The following DAW1 variants were observed in gnomAD, a reference collection of about 807,000 sequenced individuals.
DAW1 encodes dynein assembly factor with WD repeats 1.
DAW1 carries 47 observed loss-of-function variants against 56.5 expected under a neutral mutation model. The ratio of observed to expected loss-of-function variants is 0.83; its 90% CI spans 0.66 to 1.06. The LOEUF (loss-of-function observed/expected upper bound fraction) is 1.06. Ranked by LOEUF, DAW1 falls within the 50% of genes least tolerant of loss-of-function variation. DAW1 has a pLI of 0.00. For synonymous variants in DAW1, 190 were observed against 179.0 expected, an observed-to-expected ratio of 1.06 and a Z score of -0.49; for missense variants, 505 against 499.3, an observed-to-expected ratio of 1.01 and a Z score of -0.11.
chr2:227,914,956 A>T (rs1385457119), intron 10 of DAW1, among the ~76,000 whole-genome samples: 3 of 152,052 alleles, frequency 2.0e-5, no homozygotes, highest in African/African-American at 7.2e-5. Flanking sequence ...CTTTTAACAT[A>T]CTACATATAT....
At chr2:227,904,784 C>G in intron 7 of DAW1, 145 bp from the exon 8 acceptor site, 4 of 621,550 alleles carry the variant, frequency 6.4e-6, no homozygotes, top group Non-Finnish European at 1.1e-5. Flanking sequence ...CGTGCAGACA[C>G]TCCCCATCCT....
intron 7 of DAW1, among the ~76,000 whole-genome samples, 155 bp from the exon 8 acceptor site, chr2:227,904,774 C>A (rs1197766551): frequency 6.6e-6 from 1 of 152,166 alleles, no homozygotes; most frequent in Non-Finnish European, 1.5e-5. Context: ...CCTGTGCCCA[C>A]GTGCAGACAC....
intron 10 of DAW1, among the ~76,000 whole-genome samples, chr2:227,909,060 T>C (rs903765620): frequency 1.3e-5 from 2 of 152,146 alleles, no homozygotes; most frequent in African/African-American, 4.8e-5. Context: ...TAATGTATGA[T>C]ACTATACTGT....
At chr2:227,902,160 G>A (rs971159073) in intron 6 of DAW1, among the ~76,000 whole-genome samples, 1 of 152,158 alleles carries the variant, frequency 6.6e-6, no homozygotes, top group Non-Finnish European at 1.5e-5. Context: ...ACTGAGGACA[G>A]AGGCATGAAA....
chr2:227,907,347 AC>A, intron 10 of DAW1, 95 bp downstream of exon 10: 1 of 956,420 alleles, frequency 1.0e-6, no homozygotes, highest in Non-Finnish European at 1.6e-6. Context: ...TTCTTTGATG[AC>A]CAGCTATGAT....
chr2:227,920,249 C>T (rs1401471911), intron 11 of DAW1, among the ~76,000 whole-genome samples: 2 of 152,246 alleles, frequency 1.3e-5, no homozygotes, highest in South Asian at 2.1e-4. Context: ...CTGGTAAGGG[C>T]ATTTCTATGG....
intron 10 of DAW1, among the ~76,000 whole-genome samples, chr2:227,913,988 ATCTCTCTCTCTCTC>A (rs71723734): frequency 6.8e-6 from 1 of 147,622 alleles, no homozygotes; most frequent in Non-Finnish European, 1.5e-5. Flanking sequence ...ATATATCTGT[ATCTCTCTCTCTCTC>A]TCTCTCTCTT....
intron 11 of DAW1, among the ~76,000 whole-genome samples, 193 bp downstream of exon 11, chr2:227,919,049 A>G (rs1385407380): frequency 1.3e-5 from 2 of 151,996 alleles, no homozygotes; most frequent in African/African-American, 4.8e-5. Flanking sequence ...AAAAAAAGTC[A>G]GCTGTGCATG....
chr2:227,914,731 C>T (rs1322925864), intron 10 of DAW1, among the ~76,000 whole-genome samples: 2 of 152,078 alleles, frequency 1.3e-5, no homozygotes, highest in Admixed American at 6.6e-5. Context: ...TTATCAGGGT[C>T]ATCACCTTGA....
intron 10 of DAW1, among the ~76,000 whole-genome samples, chr2:227,913,322 C>T (rs1251553975): frequency 6.6e-6 from 1 of 152,106 alleles, no homozygotes; most frequent in East Asian, 1.9e-4. Flanking sequence ...AGATGATATA[C>T]TAAGTTACCG....
chr2:227,903,790 G>T (rs1244646724), intron 7 of DAW1, among the ~76,000 whole-genome samples: 1 of 151,562 alleles, frequency 6.6e-6, no homozygotes, highest in African/African-American at 2.4e-5. Context: ...CAGTTTCCTT[G>T]TCCTTTCAAA....
intron 6 of DAW1, among the ~76,000 whole-genome samples, chr2:227,900,663 C>T (rs145938217): frequency 6.6e-5 from 10 of 152,228 alleles, no homozygotes; most frequent in Non-Finnish European, 1.3e-4. Flanking sequence ...AGGCATGCAA[C>T]AGTGATGTGT....
chr2:227,924,183 C>T lies in DAW1; in HGVS notation c.*215C>T. ...ATTTGATGGCGATGGCAGGACACAG[C>T]ATAATGTTTGGCTAATGCCACCAGT... On this transcript the variant is annotated 3_prime_UTR_variant, in exon 13 of 13. Coordinates refer to ENST00000309931, the MANE Select transcript of DAW1 (RefSeq NM_178821.3). 1.7e-6 allele frequency: 1 copy of T among 576,506 alleles called. No individual in the cohort carries two copies. 35.7% of individuals were successfully genotyped at this position (576,506 alleles called of 1,614,324 possible).
chr2:227,905,612 C>G (rs1691659002), intron 8 of DAW1, among the ~76,000 whole-genome samples: 1 of 152,166 alleles, frequency 6.6e-6, no homozygotes, highest in Non-Finnish European at 1.5e-5. Context: ...TTCTGAACAA[C>G]CAGGGGTGCA....
intron 3 of DAW1, 81 bp from the exon 4 acceptor site, chr2:227,891,174 A>G: frequency 7.9e-7 from 1 of 1,272,602 alleles, no homozygotes; most frequent in Non-Finnish European, 1.1e-6. Context: ...GAAAAAATTG[A>G]ATGTCTTCAT....
At chr2:227,921,988 CAA>C in intron 12 of DAW1, among the ~76,000 whole-genome samples, 1 of 151,854 alleles carries the variant, frequency 6.6e-6, no homozygotes, top group South Asian at 2.1e-4. Context: ...CCCGTCTCTA[CAA>C]AAAAAATAGA....
chr2:227,884,962 C>A (rs765308980), intron 1 of DAW1, among the ~76,000 whole-genome samples: 2 of 152,026 alleles, frequency 1.3e-5, no homozygotes, highest in African/African-American at 4.8e-5. Context: ...CTTGCAGGGG[C>A]CCCATTTGTG....
rs1349759759 is a variant in DAW1, at chr2:227,911,923, G to A, written c.973+4671G>A. On this transcript the variant is annotated intron_variant, in intron 10 of 12. Coordinates refer to ENST00000309931, the MANE Select transcript of DAW1 (RefSeq NM_178821.3). Reference sequence around the variant, plus strand: ...ATCTCCCTGATGACCACAAATGGCAGCTACATTACATATGTGCCATCTCTC... The same window carrying A: ...ATCTCCCTGATGACCACAAATGGCAACTACATTACATATGTGCCATCTCTC... Among the ~76,000 whole-genome samples, 4 of 152,256 alleles carry A rather than the reference G, an allele frequency of 2.6e-5. No homozygotes were observed. In the South Asian group the frequency reaches 8.3e-4, roughly 32 times the overall value.
intron 1 of DAW1, among the ~76,000 whole-genome samples, chr2:227,881,927 T>C (rs1274908425): frequency 6.6e-6 from 1 of 152,014 alleles, no homozygotes; most frequent in East Asian, 1.9e-4. Flanking sequence ...AATTTCTGTA[T>C]TTTTATTAGA....
Sources: gnomAD v4.1 joint callset for allele counts (sites outside exome capture counted in the v4.1 genomes callset) on GRCh38, gnomAD v4.1.1 for gene constraint, MANE v1.5 for transcripts, NCBI Gene and HGNC (gene_info 2026-07-23, HGNC 2026-07-21) for gene names.